TRPC4: variants seen among roughly 807,000 people sequenced by gnomAD.
TRPC4 encodes the protein transient receptor potential cation channel subfamily C member 4, also known as short transient receptor potential channel 4.
TRPC4 carries 49 observed loss-of-function variants against 99.4 expected under a neutral mutation model. The observed-to-expected ratio is 0.49, with a 90% CI of 0.39 to 0.63. The LOEUF is 0.63. Among genes scored for constraint, TRPC4 ranks in the 20% least tolerant of loss-of-function variants. The probability of loss-of-function intolerance (pLI) is 0.00; values close to 1 mark genes in which losing one functional copy is unlikely to be tolerated. For missense variants in TRPC4, 898 were observed against 1,152.9 expected (o/e 0.78, Z 3.20); for synonymous variants, 454 against 425.9 (o/e 1.07, Z -0.81).
intron 2 of TRPC4, among the ~76,000 whole-genome samples, chr13:37,768,663 AACACACACGCACACACACAC>A (rs1460938783): frequency 1.5e-4 from 21 of 142,762 alleles, no homozygotes; most frequent in African/African-American, 5.1e-4. Context: ...CACACATACG[AACACACACGCACACACACAC>A]ACACACACAC....
chr13:37,647,606 G>A (rs924885447), intron 8 of TRPC4, among the ~76,000 whole-genome samples: 3 of 152,204 alleles, frequency 2.0e-5, no homozygotes, highest in African/African-American at 7.2e-5. Context: ...GTCTCTAAGA[G>A]AGCATGAGAC....
chr13:37,783,460 A>C, intron 1 of TRPC4, 100 bp from the exon 2 acceptor site: 1 of 916,766 alleles, frequency 1.1e-6, no homozygotes, highest in Non-Finnish European at 1.5e-6. Context: ...AATAACAACA[A>C]TACCATTATT....
At chr13:37,665,155 T>C (rs1202303128) in intron 5 of TRPC4, among the ~76,000 whole-genome samples, 1 of 152,216 alleles carries the variant, frequency 6.6e-6, no homozygotes, top group Non-Finnish European at 1.5e-5. Context: ...TCTCGCTATG[T>C]ATGATGCCAC....
intron 1 of TRPC4, among the ~76,000 whole-genome samples, chr13:37,783,878 TG>T (rs1320321647): frequency 5.3e-5 from 8 of 152,044 alleles, no homozygotes; most frequent in Admixed American, 3.3e-4. Flanking sequence ...TGTTTTGTTT[TG>T]TTTTTTTTGG....
chr13:37,813,300 T>C (rs1022686921), intron 1 of TRPC4, among the ~76,000 whole-genome samples: 1 of 151,780 alleles, frequency 6.6e-6, no homozygotes, highest in Non-Finnish European at 1.5e-5. Flanking sequence ...GTTTGATATA[T>C]ATCTTAAATT....
chr13:37,810,874 A>G (rs1957665939), intron 1 of TRPC4, among the ~76,000 whole-genome samples: 1 of 151,968 alleles, frequency 6.6e-6, no homozygotes. Context: ...TTATCTCTCC[A>G]ACAAACTGAT....
chr13:37,819,174 A>T (rs1036740901), intron 1 of TRPC4, among the ~76,000 whole-genome samples: 5 of 152,044 alleles, frequency 3.3e-5, no homozygotes, highest in Non-Finnish European at 1.5e-5. Flanking sequence ...AAAGCAAAAA[A>T]ATTACAGATG....
At chr13:37,844,432 T>C (rs147870748) in intron 1 of TRPC4, among the ~76,000 whole-genome samples, 13 of 152,260 alleles carry the variant, frequency 8.5e-5, no homozygotes, top group African/African-American at 2.9e-4. Flanking sequence ...GTAGCTGGGA[T>C]TACAGGCATG....
At chr13:37,793,480 C>T (rs909175139) in intron 1 of TRPC4, among the ~76,000 whole-genome samples, 1 of 146,692 alleles carries the variant, frequency 6.8e-6, no homozygotes, top group Non-Finnish European at 1.5e-5. Context: ...ACCTAACACA[C>T]AAAATTAAAA....
At chr13:37,649,748 A>C (rs1194774505) in intron 8 of TRPC4, among the ~76,000 whole-genome samples, 3 of 147,564 alleles carry the variant, frequency 2.0e-5, no homozygotes, top group Non-Finnish European at 4.5e-5. Context: ...AAAAAAAAAA[A>C]AAAAAAAAAA....
intron 2 of TRPC4, among the ~76,000 whole-genome samples, chr13:37,756,984 G>A (rs2139220379): frequency 1.3e-5 from 2 of 151,954 alleles, no homozygotes; most frequent in Middle Eastern, 6.8e-3. Flanking sequence ...GGATTTCTTT[G>A]GAGATCTGAA....
intron 2 of TRPC4, among the ~76,000 whole-genome samples, chr13:37,767,512 G>T (rs1228222688): frequency 6.6e-6 from 1 of 151,174 alleles, no homozygotes; most frequent in Non-Finnish European, 1.5e-5. Flanking sequence ...GGTGTGGAAG[G>T]CTCCTCAGAA....
chr13:37,830,538 C>T (rs910892482), intron 1 of TRPC4, among the ~76,000 whole-genome samples: 1 of 151,432 alleles, frequency 6.6e-6, no homozygotes, highest in African/African-American at 2.4e-5. Flanking sequence ...CATGGTGAAA[C>T]CCCGTCTCTA....
At chr13:37,787,259 G>C (rs909097365) in intron 1 of TRPC4, among the ~76,000 whole-genome samples, 3 of 151,788 alleles carry the variant, frequency 2.0e-5, no homozygotes, top group South Asian at 2.1e-4. Flanking sequence ...ACATGTTTAC[G>C]GATGTAATCT....
intron 8 of TRPC4, among the ~76,000 whole-genome samples, chr13:37,648,742 T>C (rs1951925836): frequency 6.6e-6 from 1 of 152,218 alleles, no homozygotes; most frequent in Non-Finnish European, 1.5e-5. Context: ...GCCAATTGAC[T>C]GAGAGCTCCT....
chr13:37,684,794 TACACACACACACACACACAC>T (rs57132536), intron 4 of TRPC4, among the ~76,000 whole-genome samples: 7 of 140,654 alleles, frequency 5.0e-5, no homozygotes, highest in Admixed American at 1.4e-4. Context: ...GAGTACCCCT[TACACACACACACACACACAC>T]ACACACACAC....
intron 1 of TRPC4, among the ~76,000 whole-genome samples, chr13:37,812,023 T>A (rs1406795791): frequency 6.7e-6 from 1 of 149,824 alleles, no homozygotes; most frequent in Non-Finnish European, 1.5e-5. Flanking sequence ...AATATCCAGG[T>A]GTGATGGTGC....
chr13:37,674,452 C>A, intron 4 of TRPC4, 85 bp from the exon 5 acceptor site: 1 of 1,445,866 alleles, frequency 6.9e-7, no homozygotes, highest in South Asian at 1.4e-5. Context: ...TTATAGATCT[C>A]GAAGCTACAA....
chr13:37,786,638 T>C (rs779112529), intron 1 of TRPC4, among the ~76,000 whole-genome samples: 1 of 152,096 alleles, frequency 6.6e-6, no homozygotes, highest in Non-Finnish European at 1.5e-5. Context: ...ATTGCAAATA[T>C]GTTGACCTAT....
Sources: gnomAD v4.1 joint callset for allele counts (sites outside exome capture counted in the v4.1 genomes callset) on GRCh38, gnomAD v4.1.1 for gene constraint, MANE v1.5 for transcripts, NCBI Gene and HGNC (gene_info 2026-07-23, HGNC 2026-07-21) for gene names.